Variants in CLASRP observed in about 807,000 individuals in gnomAD.
CLASRP encodes the protein CLK4 associating serine/arginine rich protein, also known as CLK4-associating serine/arginine rich protein.
A neutral mutation model predicts 99.9 loss-of-function variants in CLASRP; 52 were observed. The ratio of observed to expected loss-of-function variants is 0.52; its 90% CI spans 0.42 to 0.66. CLASRP has a LOEUF of 0.66. Among genes scored for constraint, CLASRP ranks in the 30% least tolerant of loss-of-function variants. The pLI, the probability that CLASRP is intolerant of heterozygous loss-of-function variation, is 0.00. For synonymous variants in CLASRP, 379 were observed against 373.0 expected, an observed-to-expected ratio of 1.02 and a Z score of -0.18; for missense variants, 848 against 999.2, an observed-to-expected ratio of 0.85 and a Z score of 2.04.
At chr19:45,070,133 C>G (rs1489515734) in intron 19 of CLASRP, 29 bp downstream of exon 19, 1 of 1,374,844 alleles carries the variant, frequency 7.3e-7, no homozygotes. Context: ...CTGCAGGGCT[C>G]TGGGGCTTTA....
At chr19:45,051,222 G>C (rs1464514034) in intron 2 of CLASRP, among the ~76,000 whole-genome samples, 1 of 152,138 alleles carries the variant, frequency 6.6e-6, no homozygotes, top group African/African-American at 2.4e-5. Context: ...AGTTAAGGGG[G>C]CTGATATTTT....
chr19:45,046,699 A>G (rs1170297571), intron 2 of CLASRP, among the ~76,000 whole-genome samples: 1 of 152,238 alleles, frequency 6.6e-6, no homozygotes, highest in Non-Finnish European at 1.5e-5. Flanking sequence ...CTCTGACACA[A>G]TCTGATCCTA....
chr19:45,064,102 T>C lies in CLASRP; in HGVS notation c.996T>C (p.Phe332=), dbSNP rs1967008781. Residue 332 remains phenylalanine (F), a synonymous_variant, in exon 12 of 21, where the codon TTT becomes TTC. Coordinates refer to ENST00000221455, the MANE Select transcript of CLASRP (RefSeq NM_007056.3). ...REEKITFITS[F]GGSDEEAAAA... ...AGAAGATCACGTTCATCACCAGTTT[T>C]GGGGGCAGCGATGAGGAGGCAGCCG... is the stretch of plus-strand genomic sequence containing the variant. The C allele has an allele frequency of 6.2e-7, 1 of 1,611,116 alleles. No individual in the cohort carries two copies. The highest frequency in any genetic ancestry group is 8.5e-7 in the Non-Finnish European group (1 of 1,179,508).
In CLASRP at chr19:45,065,560, C is replaced by A. The variant is rs543925079; in HGVS notation, c.1409+930C>A. ...TGGGCTACAGAGTGAGACTGCGTCT[C>A]AAGAAAAAAAAAAAAAAAAGACATT... On this transcript the variant is annotated intron_variant, in intron 13 of 20. Transcript: ENST00000221455. Among the ~76,000 whole-genome samples, 534 of 129,558 alleles carry A rather than the reference C, an allele frequency of 4.1e-3. 2 individuals carry two copies. The highest frequency in any genetic ancestry group is 0.014 in the African/African-American group (488 of 34,674). 85.0% of individuals were successfully genotyped at this position (129,558 alleles called of 152,430 possible).
At chr19:45,049,547 T>A (rs1033045267) in intron 2 of CLASRP, among the ~76,000 whole-genome samples, 2 of 152,166 alleles carry the variant, frequency 1.3e-5, no homozygotes, top group African/African-American at 2.4e-5. Context: ...AGGTATTAGC[T>A]GTGGTCCTGG....
intron 2 of CLASRP, among the ~76,000 whole-genome samples, chr19:45,042,451 A>C (rs1034056145): frequency 6.6e-6 from 1 of 151,552 alleles, no homozygotes; most frequent in African/African-American, 2.4e-5. Context: ...CCCGGGAGGC[A>C]TAGGTTGCAT....
chr19:45,068,051 C>T lies in CLASRP; in HGVS notation c.1704C>T (p.Ala568=), dbSNP rs1253521201. The T allele has an allele frequency of 6.2e-7, 1 of 1,613,856 alleles. No homozygotes were observed. Among genetic ancestry groups the T allele is most frequent in the Non-Finnish European group, 8.5e-7 (1 of 1,179,774 alleles). The part of the protein sequence containing the change: ...EPAAGKETGA[A]KPKLTPQEKL... ...CCGCTGGTAAAGAGACAGGAGCTGC[C>T]AAAGTCAGTAAGAATTTGGAACTCG... is the stretch of plus-strand genomic sequence containing the variant. Residue 568 remains alanine, a synonymous_variant, in exon 15 of 21, where the codon GCC becomes GCT. Coordinates refer to ENST00000221455, the MANE Select transcript of CLASRP (RefSeq NM_007056.3).
chr19:45,059,181 C>G (rs1966884976), intron 7 of CLASRP, 87 bp from the exon 8 acceptor site: 2 of 1,144,698 alleles, frequency 1.7e-6, no homozygotes, highest in Non-Finnish European at 2.6e-6. Context: ...GGCGGGCGCC[C>G]CATCATCCCC....
chr19:45,064,155 G>A lies in CLASRP; in HGVS notation c.1049G>A (p.Gly350Glu). 6.2e-7 allele frequency: 1 copy of A among 1,611,428 alleles called. No individual in the cohort carries two copies. Among genetic ancestry groups the A allele is most frequent in the Admixed American group, 1.7e-5 (1 of 59,882 alleles). Residue 350 changes from glycine to glutamate, a missense_variant, in exon 12 of 21, where the codon GGA (glycine) becomes GAA (glutamate). This residue lies in a region of CLASRP where 489 missense variants were observed against 434.7 expected (regional missense o/e 1.12). Coordinates refer to ENST00000221455, the MANE Select transcript of CLASRP (RefSeq NM_007056.3). ...AAAAAAAAAS[G>E]VTTGKPPAPP... ...GCCGCTGCTGCCGCAGCAGCATCAGGAGTCACCACAGGGAAGCCCCCCGCA... is the reference window on the plus strand; with the variant it reads ...GCCGCTGCTGCCGCAGCAGCATCAGAAGTCACCACAGGGAAGCCCCCCGCA...
At position 45,063,960 on chromosome 19, in the gene CLASRP, C is replaced by T. The variant is rs552331912; in HGVS notation, c.906-52C>T. 4.4e-5 allele frequency: 68 copies of T among 1,537,530 alleles called. 1 individual carries two copies. Among genetic ancestry groups the T allele is most frequent in the Admixed American group, 1.2e-4 (6 of 50,014 alleles). On this transcript the variant is annotated intron_variant, in intron 11 of 20. Coordinates refer to ENST00000221455, the MANE Select transcript of CLASRP (RefSeq NM_007056.3). ...GTTGATCTGCTGTGTGTGCTGTTCC[C>T]GAAGAGGCTCCGGGAGCCTGAGCTA...
chr19:45,070,702 C>T lies in CLASRP; in HGVS notation c.1983-101C>T, dbSNP rs555147563. 356 of 1,304,556 alleles carry T rather than the reference C, an allele frequency of 2.7e-4. 3 individuals carry two copies. The Admixed American group carries it at 5.8e-3, about 21-fold the overall frequency. The allele number at this position is 1,304,556 out of a possible 1,614,324, so 80.8% of individuals were successfully genotyped here. A position where few individuals can be genotyped will look rare whatever the true frequency, so the allele number is the denominator to read the frequency against. ...GTCTCATCCCTTGGGGAACATCCTTCCCTCCACAGACAAGTGCCCCGATCA... is the reference window on the plus strand; with the variant it reads ...GTCTCATCCCTTGGGGAACATCCTTTCCTCCACAGACAAGTGCCCCGATCA... On this transcript the variant is annotated intron_variant, in intron 20 of 20. Transcript: ENST00000221455.
chr19:45,067,436 C>CCGCAGTCGCAGCCTGACT lies in CLASRP; in HGVS notation c.1515_1532dup (p.Leu508_Ser513dup). The CCGCAGTCGCAGCCTGACT allele has an allele frequency of 2.0e-6, 3 of 1,538,336 alleles. No homozygotes were observed. The highest frequency in any genetic ancestry group is 2.6e-6 in the Non-Finnish European group (3 of 1,145,396). ...GCAGCAGCTGGTCCCTCAGCCCGTC[C>CCGCAGTCGCAGCCTGACT]CGCAGTCGCAGCCTGACTCGCAGCC... On this transcript the variant is annotated inframe_insertion, in exon 14 of 21. Coordinates refer to ENST00000221455, the MANE Select transcript of CLASRP (RefSeq NM_007056.3). The surrounding 1 kb of genome is among the most constrained non-coding windows in gnomAD (Gnocchi z 4.9).
chr19:45,065,125 G>A (rs2051151357), intron 13 of CLASRP, among the ~76,000 whole-genome samples: 1 of 152,180 alleles, frequency 6.6e-6, no homozygotes, highest in South Asian at 2.1e-4. Context: ...TGGCGTGGTG[G>A]CTCACACCTG....
Position 45,052,995 on chromosome 19 carries a change from G to A in CLASRP, c.299+103G>A. On this transcript the variant is annotated intron_variant, in intron 4 of 20. Transcript: ENST00000221455. ...CCTTCCTAGGAGCCGTTCCTATTTGGTACCGCCCTGAGCCTGAGGGGGATG... is the reference window on the plus strand; with the variant it reads ...CCTTCCTAGGAGCCGTTCCTATTTGATACCGCCCTGAGCCTGAGGGGGATG... The A allele has an allele frequency of 2.6e-6, 4 of 1,535,352 alleles. No homozygotes were observed. The South Asian group carries it at 3.4e-5, about 13-fold the overall frequency.
In CLASRP at chr19:45,064,227, G is replaced by C; in HGVS notation, c.1121G>C (p.Arg374Pro). 6.3e-7 allele frequency: 1 copy of C among 1,586,230 alleles called. No homozygotes were observed. The highest frequency in any genetic ancestry group is 8.6e-7 in the Non-Finnish European group (1 of 1,167,930). The change falls in exon 12 of 21, where the codon CGC (arginine) becomes CCC (proline). Residue 374 changes from arginine (R) to proline (P), a missense_variant and splice_region_variant. Coordinates refer to ENST00000221455, the MANE Select transcript of CLASRP (RefSeq NM_007056.3). ...GCCCCGGGACGTAATGCCAGCGCCC[G>C]GTCGGTAACGCTCACGCCGCCCGCC... ...GPAPGRNASA[R>P]RRSSSSSSSS...
intron 2 of CLASRP, among the ~76,000 whole-genome samples, 186 bp from the exon 3 acceptor site, chr19:45,051,885 G>A (rs1017877667): frequency 5.9e-5 from 9 of 152,022 alleles, no homozygotes; most frequent in Admixed American, 2.0e-4. Context: ...GGAGAATGGC[G>A]TGAACCTGGG....
Position 45,068,047 on chromosome 19 carries a change from C to T in CLASRP, c.1700C>T (p.Ala567Val). The change falls in exon 15 of 21, where the codon GCT (alanine) becomes GTT (valine). Residue 567 changes from alanine (A) to valine (V), a missense_variant. Around this residue, in one of 8 missense-constraint regions of CLASRP, gnomAD observed 116 missense variants for 162.7 expected, o/e 0.71. Coordinates refer to ENST00000221455, the MANE Select transcript of CLASRP (RefSeq NM_007056.3). ...CCTGCCGCTGGTAAAGAGACAGGAG[C>T]TGCCAAAGTCAGTAAGAATTTGGAA... is the stretch of plus-strand genomic sequence containing the variant. ...TEPAAGKETG[A>V]AKPKLTPQEK... 1 of 1,613,916 alleles carries T rather than the reference C, an allele frequency of 6.2e-7. No homozygotes were observed. Among genetic ancestry groups the T allele is most frequent in the Non-Finnish European group, 8.5e-7 (1 of 1,179,808 alleles).
At position 45,064,122 on chromosome 19, in the gene CLASRP, C is replaced by T. The variant is rs1218825846; in HGVS notation, c.1016C>T (p.Ala339Val). ...ITSFGGSDEE[A>V]AAAAAAAAAS... Reference sequence around the variant, plus strand: ...AGTTTTGGGGGCAGCGATGAGGAGGCAGCCGCAGCCGCTGCTGCCGCAGCA... The same window carrying T: ...AGTTTTGGGGGCAGCGATGAGGAGGTAGCCGCAGCCGCTGCTGCCGCAGCA... Residue 339 changes from alanine (A) to valine (V), a missense_variant, in exon 12 of 21, where the codon GCA (alanine) becomes GTA (valine). By Grantham distance (64) the Ala-to-Val change is moderately conservative. This residue lies in a region of CLASRP where 489 missense variants were observed against 434.7 expected (regional missense o/e 1.12). Transcript: ENST00000221455. 1 of 1,610,246 alleles carries T rather than the reference C, an allele frequency of 6.2e-7. No individual in the cohort carries two copies. Among genetic ancestry groups the T allele is most frequent in the Admixed American group, 1.7e-5 (1 of 59,916 alleles).
chr19:45,056,206 T>C (rs1972115854), intron 5 of CLASRP, among the ~76,000 whole-genome samples: 1 of 152,146 alleles, frequency 6.6e-6, no homozygotes, highest in South Asian at 2.1e-4. Context: ...CGTGGTCCCA[T>C]TTTACGGAAA....
Sources: allele counts gnomAD v4.1 joint callset (sites outside exome capture counted in the v4.1 genomes callset), GRCh38; gene constraint gnomAD v4.1.1; regional missense constraint gnomAD v4.1.1; non-coding constraint Gnocchi (gnomAD v3.1); transcripts MANE v1.5; gene names NCBI Gene and HGNC (gene_info 2026-07-23, HGNC 2026-07-21).